CTSC: variants seen among roughly 807,000 people sequenced by gnomAD.
CTSC encodes cathepsin C, also known as dipeptidyl peptidase 1.
In CTSC, 37 loss-of-function variants were observed where a neutral mutation model predicts 40.9. The observed-to-expected ratio is 0.91, with a 90% CI of 0.70 to 1.19. CTSC has a LOEUF of 1.19. Ranked by LOEUF, CTSC falls within the 50% of genes most tolerant of loss-of-function variation. CTSC has a pLI of 0.00. For missense variants in CTSC, 594 were observed against 567.3 expected, an observed-to-expected ratio of 1.05 and a Z score of -0.48; for synonymous variants, 232 against 207.4, an observed-to-expected ratio of 1.12 and a Z score of -1.02.
At chr11:88,303,372 C>A (rs779455537) in intron 4 of CTSC, among the ~76,000 whole-genome samples, 2 of 152,162 alleles carry the variant, frequency 1.3e-5, no homozygotes, top group Non-Finnish European at 2.9e-5. Context: ...AATTGAAAGC[C>A]CTAGGTTGTT....
At chr11:88,297,107 C>A (rs1032810499) in intron 5 of CTSC, 6 of 152,186 alleles carry the variant, frequency 3.9e-5, no homozygotes, top group South Asian at 2.1e-4. Context: ...GGGACAAGTG[C>A]CTTACTGTCT....
intron 1 of CTSC, 71 bp from the exon 2 acceptor site, chr11:88,335,153 T>C (rs1591247278): frequency 9.5e-7 from 1 of 1,052,412 alleles, no homozygotes; most frequent in East Asian, 2.4e-5. Flanking sequence ...AATCCCCCAA[T>C]TTCAATTTTA....
intron 4 of CTSC, 127 bp from the exon 5 acceptor site, chr11:88,300,772 A>G (rs1043504603): frequency 5.7e-6 from 4 of 697,898 alleles, no homozygotes; most frequent in Non-Finnish European, 1.0e-5. Context: ...GACCCAGAGC[A>G]CCTGTTTTAT....
chr11:88,320,603 A>T (rs949574864), intron 2 of CTSC, among the ~76,000 whole-genome samples: 14 of 152,212 alleles, frequency 9.2e-5, no homozygotes, highest in Non-Finnish European at 1.8e-4. Flanking sequence ...GAAAGTTAGA[A>T]CATCACTGTT....
intron 2 of CTSC, among the ~76,000 whole-genome samples, chr11:88,332,464 G>A (rs1034621018): frequency 3.3e-5 from 5 of 152,084 alleles, no homozygotes; most frequent in African/African-American, 9.7e-5. Flanking sequence ...ATCAACAGTG[G>A]ATGACTTTAT....
At chr11:88,310,180 CTTTTTTTTTTT>C (rs11337017) in intron 3 of CTSC, among the ~76,000 whole-genome samples, 8 of 142,176 alleles carry the variant, frequency 5.6e-5, no homozygotes, top group Admixed American at 2.8e-4. Flanking sequence ...TCAGAATCTC[CTTTTTTTTTTT>C]TTTTTTAAAC....
At chr11:88,311,795 T>G (rs1937763292) in intron 3 of CTSC, among the ~76,000 whole-genome samples, 1 of 152,162 alleles carries the variant, frequency 6.6e-6, no homozygotes, top group Admixed American at 6.5e-5. Flanking sequence ...AAAGACTGTT[T>G]AGGAGCCCAG....
At chr11:88,306,221 T>A (rs897268630) in intron 4 of CTSC, among the ~76,000 whole-genome samples, 1 of 152,148 alleles carries the variant, frequency 6.6e-6, no homozygotes, top group Admixed American at 6.5e-5. Flanking sequence ...CTTCACATAG[T>A]CTCACAGTTG....
intron 4 of CTSC, among the ~76,000 whole-genome samples, chr11:88,306,910 C>A (rs1482743039): frequency 6.6e-6 from 1 of 152,210 alleles, no homozygotes; most frequent in Non-Finnish European, 1.5e-5. Flanking sequence ...CTCCTAGACA[C>A]TGCTGTGGGG....
At chr11:88,298,090 G>A (rs1204595326) in intron 5 of CTSC, 1 of 151,966 alleles carries the variant, frequency 6.6e-6, no homozygotes, top group Non-Finnish European at 1.5e-5. Flanking sequence ...AATCTTTTGT[G>A]TAAAATGAAT....
Position 88,294,054 on chromosome 11 carries a change from A to G in CTSC, c.1344T>C (p.Cys448=), listed in dbSNP as rs1341321803. The G allele has an allele frequency of 3.1e-6, 5 of 1,613,872 alleles. No individual in the cohort carries two copies. In the East Asian group the frequency reaches 6.7e-5, roughly 22 times the overall value. ...YFRIRRGTDE[C]AIESIAVAAT... ...CTGCCACTGCTATGCTCTCAATTGC[A>G]CACTCATCAGTTCCTCTGCGGATCC... The change falls in exon 7 of 7, where the codon TGT becomes TGC. Residue 448 remains cysteine (C), a synonymous_variant. Coordinates refer to ENST00000227266, the MANE Select transcript of CTSC (RefSeq NM_001814.6).
At chr11:88,302,398 C>T (rs561125092) in intron 4 of CTSC, among the ~76,000 whole-genome samples, 3 of 151,912 alleles carry the variant, frequency 2.0e-5, no homozygotes, top group Non-Finnish European at 2.9e-5. Context: ...CCGAGGCGGG[C>T]GGATCACGAG....
At chr11:88,308,618 G>A (rs1389124066) in intron 4 of CTSC, among the ~76,000 whole-genome samples, 5 of 151,656 alleles carry the variant, frequency 3.3e-5, no homozygotes, top group Non-Finnish European at 7.4e-5. Context: ...CAGGAGGACA[G>A]CTTCAACTCC....
chr11:88,306,278 G>T (rs1235020677), intron 4 of CTSC, among the ~76,000 whole-genome samples: 1 of 152,150 alleles, frequency 6.6e-6, no homozygotes, highest in African/African-American at 2.4e-5. Context: ...GAAAAAGTTA[G>T]TAATGTTGAT....
chr11:88,306,441 C>T lies in CTSC; in HGVS notation c.641+2722G>A, dbSNP rs562054394. On this transcript the variant is annotated intron_variant, in intron 4 of 6. Coordinates refer to ENST00000227266, the MANE Select transcript of CTSC (RefSeq NM_001814.6). ...CCTTTTGGCCCGCCATGCCCCCCAT[C>T]CTTCCCCCATATAAACCCAAAATCT... 2.0e-5 allele frequency among the ~76,000 whole-genome samples: 3 copies of T among 151,422 alleles called. No homozygotes were observed. In the South Asian group the frequency reaches 6.3e-4, roughly 32 times the overall value.
intron 2 of CTSC, among the ~76,000 whole-genome samples, chr11:88,318,244 C>T (rs1937922050): frequency 6.6e-6 from 1 of 152,152 alleles, no homozygotes; most frequent in South Asian, 2.1e-4. Context: ...GTGGACTCCG[C>T]CCTTTAAATC....
chr11:88,317,951 A>G (rs1345935452), intron 2 of CTSC, among the ~76,000 whole-genome samples: 1 of 152,244 alleles, frequency 6.6e-6, no homozygotes, highest in African/African-American at 2.4e-5. Context: ...TTAAGTTGCC[A>G]CACATTCTCA....
rs963008250 is a variant in CTSC at position 88,337,095 on chromosome 11, C to T, written c.172+406G>A. On this transcript the variant is annotated intron_variant, in intron 1 of 6. Coordinates refer to ENST00000227266, the MANE Select transcript of CTSC (RefSeq NM_001814.6). ...AAGAGAAAACTTCATGCTATATCCT[C>T]GAGAGTCTCTGAGCTCATCTATCTT... Among the ~76,000 whole-genome samples, 7 of 152,076 alleles carry T rather than the reference C, an allele frequency of 4.6e-5. No individual in the cohort carries two copies. In the South Asian group the frequency reaches 1.0e-3, roughly 23 times the overall value.
intron 4 of CTSC, among the ~76,000 whole-genome samples, chr11:88,307,764 TTATGG>T (rs1311938825): frequency 6.6e-6 from 1 of 152,092 alleles, no homozygotes; most frequent in Non-Finnish European, 1.5e-5. Context: ...ATAAATATAG[TTATGG>T]TCATAATTAG....
Sources: allele counts gnomAD v4.1 joint callset (sites outside exome capture counted in the v4.1 genomes callset), GRCh38; gene constraint gnomAD v4.1.1; transcripts MANE v1.5; gene names NCBI Gene and HGNC (gene_info 2026-07-23, HGNC 2026-07-21).